The following BDH1 variants were observed in gnomAD, a reference collection of about 807,000 sequenced individuals.
The protein encoded by BDH1 is D-beta-hydroxybutyrate dehydrogenase, mitochondrial.
Under a neutral mutation model 33.1 loss-of-function variants are expected in BDH1, and 30 were observed. That is an observed-to-expected ratio of 0.91 (90% CI 0.68 to 1.23). BDH1 has a LOEUF of 1.23. Among genes scored for constraint, BDH1 ranks in the 50% most tolerant of loss-of-function variants. BDH1 has a pLI of 0.00. For synonymous variants in BDH1, 190 were observed against 183.6 expected, an observed-to-expected ratio of 1.03 and a Z score of -0.28; for missense variants, 443 against 464.4, an observed-to-expected ratio of 0.95 and a Z score of 0.42.
chr3:197,509,831 A>G lies in BDH1; in HGVS notation c.*2064T>C, dbSNP rs1711725570. On this transcript the variant is annotated 3_prime_UTR_variant, in exon 8 of 8. Coordinates refer to ENST00000392379, the MANE Select transcript of BDH1 (RefSeq NM_203314.3). ...CTTCAGCACGGACACAAATTCGCCC[A>G]ACATGTAAAAGTGCAATTCCGAAAG... 6.6e-6 allele frequency: 1 copy of G among 152,244 alleles called. No individual in the cohort carries two copies. Among genetic ancestry groups the G allele is most frequent in the Admixed American group, 6.5e-5 (1 of 15,294 alleles). The allele number at this position is 152,244 out of a possible 1,614,324, so 9.4% of individuals were successfully genotyped here.
At chr3:197,571,319 G>A (rs751309763) in intron 1 of BDH1, among the ~76,000 whole-genome samples, 7 of 152,156 alleles carry the variant, frequency 4.6e-5, no homozygotes, top group Non-Finnish European at 1.0e-4. Flanking sequence ...AATGAGTGAA[G>A]ACTTTGGGAA....
Position 197,554,761 on chromosome 3 carries a change from C to G in BDH1, c.-195-48G>C, listed in dbSNP as rs1716860912. The G allele has an allele frequency of 1.3e-5, 2 of 152,148 alleles. No homozygotes were observed. Among genetic ancestry groups the G allele is most frequent in the South Asian group, 2.1e-4 (1 of 4,838 alleles). The allele number at this position is 152,148 out of a possible 1,614,324, so 9.4% of individuals were successfully genotyped here. A position where few individuals can be genotyped will look rare whatever the true frequency, so the allele number is the denominator to read the frequency against. ...GCGGAGTTCGACGCCGCGCGCAGCA[C>G]CAAACACTTCCCCAGAAGGGCGCAG... is the stretch of plus-strand genomic sequence containing the variant. On this transcript the variant is annotated intron_variant, in intron 1 of 7. Coordinates refer to ENST00000392379, the MANE Select transcript of BDH1 (RefSeq NM_203314.3). This position sits in a 1 kb window ranked among gnomAD's most constrained non-coding sequence, Gnocchi z 4.4.
chr3:197,562,170 G>C (rs1717284015), intron 1 of BDH1, among the ~76,000 whole-genome samples: 1 of 152,208 alleles, frequency 6.6e-6, no homozygotes, highest in Admixed American at 6.5e-5. Flanking sequence ...GAACTACAAA[G>C]TTACGGGTGG....
intron 7 of BDH1, among the ~76,000 whole-genome samples, 162 bp from the exon 8 acceptor site, chr3:197,512,526 C>T (rs376798280): frequency 2.6e-5 from 4 of 152,224 alleles, no homozygotes; most frequent in Non-Finnish European, 5.9e-5. Flanking sequence ...GCATCAGCAT[C>T]GGCACCCCTG....
At position 197,514,489 on chromosome 3, in the gene BDH1, C is replaced by G. The variant is rs1464983494; in HGVS notation, c.410-73G>C. On this transcript the variant is annotated intron_variant, in intron 6 of 7. Coordinates refer to ENST00000392379, the MANE Select transcript of BDH1 (RefSeq NM_203314.3). The surrounding 1 kb of genome is among the most constrained non-coding windows in gnomAD (Gnocchi z 4.2). Reference sequence around the variant, plus strand: ...AGACATTGCCCATCAGCCTGCAGGCCAGCCTCCTCTCTGCTTCTTTCCTGT... The same window carrying G: ...AGACATTGCCCATCAGCCTGCAGGCGAGCCTCCTCTCTGCTTCTTTCCTGT... The G allele has an allele frequency of 6.9e-7, 1 of 1,456,598 alleles. No homozygotes were observed. The highest frequency in any genetic ancestry group is 2.5e-5 in the East Asian group (1 of 40,530). The allele number at this position is 1,456,598 out of a possible 1,614,324, so 90.2% of individuals were successfully genotyped here.
chr3:197,515,698 C>T, intron 6 of BDH1: 1 of 981,124 alleles, frequency 1.0e-6, no homozygotes, highest in Non-Finnish European at 1.2e-6. Flanking sequence ...AACTGTGCTA[C>T]CTGCTCTCCC....
intron 5 of BDH1, among the ~76,000 whole-genome samples, chr3:197,532,023 C>T (rs538086397): frequency 4.6e-4 from 70 of 152,324 alleles, no homozygotes; most frequent in African/African-American, 1.7e-3. Context: ...TCCTCCTACA[C>T]AGTCTCGCCG....
intron 3 of BDH1, among the ~76,000 whole-genome samples, chr3:197,540,996 C>A (rs1715574830): frequency 6.6e-6 from 1 of 152,222 alleles, no homozygotes; most frequent in South Asian, 2.1e-4. Flanking sequence ...CTGAGCACTG[C>A]TGGACTTCTC....
chr3:197,514,331 T>G lies in BDH1; in HGVS notation c.495A>C (p.Ala165=). 6.2e-7 allele frequency: 1 copy of G among 1,613,980 alleles called. No individual in the cohort carries two copies. ...GCACTGTGCCCCAAAGGTTCACTTC[T>G]GCCACCTGCTTGTAGGTCTCCAGGC... ...FTSLETYKQV[A]EVNLWGTVRM... Residue 165 remains alanine, a synonymous_variant, in exon 7 of 8, where the codon GCA becomes GCC. Coordinates refer to ENST00000392379, the MANE Select transcript of BDH1 (RefSeq NM_203314.3). The surrounding 1 kb of genome is among the most constrained non-coding windows in gnomAD (Gnocchi z 4.2).
At chr3:197,530,218 A>C (rs1156542336) in intron 5 of BDH1, 3 of 152,214 alleles carry the variant, frequency 2.0e-5, no homozygotes, top group Non-Finnish European at 4.4e-5. Flanking sequence ...CTGTTGGTGA[A>C]ATTGTGTGGA....
intron 3 of BDH1, among the ~76,000 whole-genome samples, chr3:197,540,173 C>G (rs1332804604): frequency 1.3e-5 from 2 of 151,968 alleles, no homozygotes; most frequent in African/African-American, 4.8e-5. Flanking sequence ...GCCTCTGGCT[C>G]CCAAGTAGCT....
chr3:197,544,989 T>TCTGAGCCAAGAGGTTGCC (rs1715955036), intron 3 of BDH1, among the ~76,000 whole-genome samples: 1 of 152,188 alleles, frequency 6.6e-6, no homozygotes, highest in Non-Finnish European at 1.5e-5. Context: ...CAGAGGTTGC[T>TCTGAGCCAAGAGGTTGCC]CTGAGCCAAG....
chr3:197,566,207 A>T (rs1026461118), intron 1 of BDH1, among the ~76,000 whole-genome samples: 1 of 152,352 alleles, frequency 6.6e-6, no homozygotes, highest in South Asian at 2.1e-4. Context: ...TTCATTTGTA[A>T]CAGGACACAA....
chr3:197,532,503 A>G lies in BDH1; in HGVS notation c.176T>C (p.Leu59Pro). ...AAATCCAGAGTCACAGCCTGTGACCAGGACAGCTTTGCTGCCAACCTGTTT... is the reference window on the plus strand; with the variant it reads ...AAATCCAGAGTCACAGCCTGTGACCGGGACAGCTTTGCTGCCAACCTGTTT... Reference protein sequence around the residue: ...AAEPVGSKAVLVTGCDSGFGF... With the variant: ...AAEPVGSKAVPVTGCDSGFGF... Residue 59 changes from leucine (L) to proline (P), a missense_variant, in exon 5 of 8, where the codon CTG becomes CCG. Physicochemically the swap from Leu to Pro is moderately conservative, Grantham distance 98 (BLOSUM62 -3). Transcript: ENST00000392379. The G allele has an allele frequency of 6.2e-7, 1 of 1,614,160 alleles. No individual in the cohort carries two copies. Among genetic ancestry groups the G allele is most frequent in the Non-Finnish European group, 8.5e-7 (1 of 1,179,960 alleles).
At position 197,510,946 on chromosome 3, in the gene BDH1, T is replaced by C. The variant is rs1711959013; in HGVS notation, c.*949A>G. On this transcript the variant is annotated 3_prime_UTR_variant, in exon 8 of 8. Coordinates refer to ENST00000392379, the MANE Select transcript of BDH1 (RefSeq NM_203314.3). Reference sequence around the variant, plus strand: ...TGAGTCCTAAAAGAGGATGGAAAAATCTCAAGTAAAAATCTCATGCCTGTA... The same window carrying C: ...TGAGTCCTAAAAGAGGATGGAAAAACCTCAAGTAAAAATCTCATGCCTGTA... 1 of 151,762 alleles carries C rather than the reference T, an allele frequency of 6.6e-6. No individual in the cohort carries two copies. Among genetic ancestry groups the C allele is most frequent in the Admixed American group, 6.6e-5 (1 of 15,226 alleles). The allele number at this position is 151,762 out of a possible 1,614,324, so 9.4% of individuals were successfully genotyped here.
intron 1 of BDH1, among the ~76,000 whole-genome samples, chr3:197,562,032 C>G (rs1055918312): frequency 6.6e-6 from 1 of 152,112 alleles, no homozygotes; most frequent in East Asian, 1.9e-4. Context: ...GAGTCGTGGG[C>G]GGATTCTTCT....
At chr3:197,538,697 T>A (rs1715359056) in intron 3 of BDH1, 1 of 169,008 alleles carries the variant, frequency 5.9e-6, no homozygotes, top group Non-Finnish European at 1.3e-5. Flanking sequence ...CTATTCAACA[T>A]ATTAAGCTTT....
At chr3:197,531,685 T>C (rs1046144143) in intron 5 of BDH1, among the ~76,000 whole-genome samples, 2 of 152,086 alleles carry the variant, frequency 1.3e-5, no homozygotes, top group African/African-American at 2.4e-5. Context: ...GCTAGAGGTA[T>C]ATGTGGAGAT....
At chr3:197,544,945 G>T (rs1715950927) in intron 3 of BDH1, among the ~76,000 whole-genome samples, 2 of 152,224 alleles carry the variant, frequency 1.3e-5, no homozygotes, top group South Asian at 4.1e-4. Flanking sequence ...CTACTTGGGA[G>T]GCTGAGGCGG....
Sources: allele counts gnomAD v4.1 joint callset (sites outside exome capture counted in the v4.1 genomes callset), GRCh38; gene constraint gnomAD v4.1.1; non-coding constraint Gnocchi (gnomAD v3.1); transcripts MANE v1.5; gene names NCBI Gene and HGNC (gene_info 2026-07-23, HGNC 2026-07-21).